The following PCF11 variants were observed in gnomAD, a reference collection of about 807,000 sequenced individuals.
PCF11 encodes the protein pre-mRNA cleavage complex 2 protein Pcf11.
In PCF11, 19 loss-of-function variants were observed where a neutral mutation model predicts 166.1. The observed-to-expected ratio is 0.11, with a 90% CI of 0.08 to 0.17. PCF11 has a LOEUF of 0.17. Ranked by LOEUF, PCF11 falls within the 10% of genes least tolerant of loss-of-function variation. The pLI, the probability that PCF11 is intolerant of heterozygous loss-of-function variation, is 1.00. For synonymous variants in PCF11, 663 were observed against 644.1 expected (o/e 1.03, Z -0.44); for missense variants, 1,565 against 1,855.5 (o/e 0.84, Z 2.88).
At chr11:83,172,527 A>C (rs1016599541) in intron 9 of PCF11, among the ~76,000 whole-genome samples, 7 of 152,072 alleles carry the variant, frequency 4.6e-5, no homozygotes, top group Non-Finnish European at 8.8e-5. Flanking sequence ...GGTTCAAGCG[A>C]TTCTCCTGTC....
At chr11:83,160,517 ATTTC>A (rs1321358077) in intron 1 of PCF11, among the ~76,000 whole-genome samples, 1 of 151,826 alleles carries the variant, frequency 6.6e-6, no homozygotes, top group Admixed American at 6.6e-5. Context: ...CTGGGGCAAC[ATTTC>A]TTTACTTTGG....
chr11:83,157,661 C>T (rs1241522438), intron 1 of PCF11, 30 bp downstream of exon 1: 2 of 1,580,576 alleles, frequency 1.3e-6, no homozygotes, highest in Admixed American at 1.7e-5. Flanking sequence ...CCTCCTATTA[C>T]TTCTAATACT....
chr11:83,183,641 C>T (rs907117164), intron 15 of PCF11, among the ~76,000 whole-genome samples: 2 of 151,976 alleles, frequency 1.3e-5, no homozygotes, highest in Non-Finnish European at 2.9e-5. Context: ...CAGGCGTGCA[C>T]CACCACACCT....
chr11:83,173,113 C>T (rs553023245), intron 9 of PCF11, among the ~76,000 whole-genome samples: 78 of 152,246 alleles, frequency 5.1e-4, no homozygotes, highest in Middle Eastern at 3.4e-3. Context: ...TTTATAAATG[C>T]GCAGGCTTTA....
exon 5 of PCF11, chr11:83,166,450 C>A (rs115453590): frequency 6.2e-7 from 1 of 1,613,898 alleles, no homozygotes; most frequent in Non-Finnish European, 8.5e-7. Flanking sequence ...ACACCTAAAG[C>A]TGGAAAGATT....
At chr11:83,177,579 C>A in intron 10 of PCF11, 135 bp from the exon 11 acceptor site, 1 of 437,488 alleles carries the variant, frequency 2.3e-6, no homozygotes, top group Non-Finnish European at 4.1e-6. Context: ...GGTTCCTTGG[C>A]CAGTAAACTT....
At chr11:83,172,015 A>T (rs1454482087) in intron 9 of PCF11, 101 bp downstream of exon 9, 1 of 673,776 alleles carries the variant, frequency 1.5e-6, no homozygotes, top group East Asian at 2.6e-5. Context: ...TTGCAAAGGT[A>T]TATTTAATTT....
intron 1 of PCF11, among the ~76,000 whole-genome samples, chr11:83,159,032 A>G (rs1457475122): frequency 1.3e-5 from 2 of 152,158 alleles, no homozygotes; most frequent in Admixed American, 6.6e-5. Context: ...AAACCTCTTC[A>G]CAAGATACAC....
chr11:83,182,569 C>T lies in PCF11; in HGVS notation c.4416+78C>T, dbSNP rs112646694. 0.013 allele frequency: 9,246 copies of T among 717,878 alleles called. 92 individuals are homozygous for T. Among genetic ancestry groups the T allele is most frequent in the East Asian group, 0.025 (979 of 38,748 alleles). 44.5% of individuals were successfully genotyped at this position (717,878 alleles called of 1,614,324 possible). ...GTTAACACATTACTTTGAAAGGAGGCGGTTCATAATAGTTTTTGTTTGATT... is the reference window on the plus strand; with the variant it reads ...GTTAACACATTACTTTGAAAGGAGGTGGTTCATAATAGTTTTTGTTTGATT... On this transcript the variant is annotated intron_variant, in intron 14 of 15. Coordinates refer to ENST00000298281, the Ensembl canonical transcript of PCF11.
At chr11:83,174,205 A>G (rs1248603695) in intron 9 of PCF11, among the ~76,000 whole-genome samples, 2 of 152,156 alleles carry the variant, frequency 1.3e-5, no homozygotes, top group African/African-American at 2.4e-5. Flanking sequence ...TCAGTGTGCT[A>G]TATTTAGCTT....
At chr11:83,182,305 T>C (rs12049913) in intron 13 of PCF11, 94 bp from the exon 14 acceptor site, 58,067 of 680,292 alleles carry the variant, frequency 0.085, 3,011 homozygotes, top group African/African-American at 0.16. Context: ...ACTCATAAAT[T>C]CTTTACTCCA....
chr11:83,186,934 C>G (rs1861311748), exon 16 of PCF11: 1 of 152,164 alleles, frequency 6.6e-6, no homozygotes, highest in African/African-American at 2.4e-5. Flanking sequence ...AAAAGTGTAT[C>G]AACGGTATCC....
At chr11:83,157,827 T>C (rs534889010) in intron 1 of PCF11, 196 bp downstream of exon 1, 1 of 598,060 alleles carries the variant, frequency 1.7e-6, no homozygotes, top group African/African-American at 1.9e-5. Flanking sequence ...GTGGGGAGGA[T>C]AAAGGGTGGA....
chr11:83,157,899 A>G, intron 1 of PCF11: 1 of 484,012 alleles, frequency 2.1e-6, no homozygotes. Context: ...CGACACACAC[A>G]CGCTTTGAAT....
chr11:83,177,104 T>A lies in PCF11; in HGVS notation c.3777T>A (p.Tyr1259Ter). ...TGTTAGGAGCCCTCCCTAAGGCATA[T>A]CCTGATAATCATCTCAGTCAGGTGG... is the stretch of plus-strand genomic sequence containing the variant. The change falls in exon 10 of 16, where the codon TAT becomes TAA. Residue 1259 changes from tyrosine (Y) to a stop codon, truncating the protein, a stop_gained. Transcript: ENST00000298281. LOFTEE classifies it high-confidence loss of function. 1 of 1,562,962 alleles carries A rather than the reference T, an allele frequency of 6.4e-7. No homozygotes were observed. The highest frequency in any genetic ancestry group is 8.7e-7 in the Non-Finnish European group (1 of 1,154,432).
In PCF11 at chr11:83,171,248, G is replaced by T. The variant is rs148363315; in HGVS notation, c.3661-570G>T. On this transcript the variant is annotated intron_variant, in intron 8 of 15. Coordinates refer to ENST00000298281, the Ensembl canonical transcript of PCF11. ...TTTTACAAGATTACTTTGTAATGTG[G>T]CTATAACCATGTGCAAAGATGATGG... 7.1e-4 allele frequency: 320 copies of T among 449,794 alleles called. 4 individuals carry two copies. The highest frequency in any genetic ancestry group is 6.2e-3 in the African/African-American group (307 of 49,796). 27.9% of individuals were successfully genotyped at this position (449,794 alleles called of 1,614,324 possible).
intron 15 of PCF11, 76 bp from the exon 16 acceptor site, chr11:83,184,603 T>G (rs551574324): frequency 3.1e-6 from 3 of 961,826 alleles, no homozygotes; most frequent in Non-Finnish European, 4.9e-6. Context: ...CATACAAGGG[T>G]CTTACAAGAC....
At chr11:83,169,448 G>A in exon 8 of PCF11, 1 of 1,613,870 alleles carries the variant, frequency 6.2e-7, no homozygotes, top group Non-Finnish European at 8.5e-7. Flanking sequence ...CATGCTTTAA[G>A]GTTTGATGGG....
chr11:83,166,267 A>G, exon 5 of PCF11: 1 of 1,613,342 alleles, frequency 6.2e-7, no homozygotes, highest in Non-Finnish European at 8.5e-7. Context: ...GTACAAAAAC[A>G]GGATACAATA....
Sources: gnomAD v4.1 joint callset for allele counts (sites outside exome capture counted in the v4.1 genomes callset) on GRCh38, gnomAD v4.1.1 for gene constraint, MANE v1.5 for transcripts, NCBI Gene and HGNC (gene_info 2026-07-23, HGNC 2026-07-21) for gene names.